The following DNAJC6 variants were observed in gnomAD, a reference collection of about 807,000 sequenced individuals.
DNAJC6 encodes the protein auxilin.
DNAJC6 carries 34 observed loss-of-function variants against 110.0 expected under a neutral mutation model. The ratio of observed to expected loss-of-function variants is 0.31; its 90% CI spans 0.24 to 0.41. The LOEUF (loss-of-function observed/expected upper bound fraction) is 0.41. Among genes scored for constraint, DNAJC6 ranks in the 10% least tolerant of loss-of-function variants. DNAJC6 has a pLI of 1.00. For missense variants in DNAJC6, 1,031 were observed against 1,207.8 expected, an observed-to-expected ratio of 0.85 and a Z score of 2.17; for synonymous variants, 406 against 437.2, an observed-to-expected ratio of 0.93 and a Z score of 0.89.
At chr1:65,365,346 A>G (rs564736974) in intron 2 of DNAJC6, among the ~76,000 whole-genome samples, 1 of 152,314 alleles carries the variant, frequency 6.6e-6, no homozygotes, top group South Asian at 2.1e-4. Flanking sequence ...TTAGTATTAG[A>G]AAATTCTAGG....
At chr1:65,333,719 C>T (rs1425708857) in intron 1 of DNAJC6, among the ~76,000 whole-genome samples, 1 of 152,078 alleles carries the variant, frequency 6.6e-6, no homozygotes, top group African/African-American at 2.4e-5. Flanking sequence ...GAAATAACTG[C>T]AAATTTTGTT....
chr1:65,389,567 C>T lies in DNAJC6; in HGVS notation c.1408C>T (p.Pro470Ser). The T allele has an allele frequency of 1.2e-6, 2 of 1,614,156 alleles. No homozygotes were observed. The highest frequency in any genetic ancestry group is 1.7e-6 in the Non-Finnish European group (2 of 1,180,020). The change falls in exon 11 of 19, where the codon CCT becomes TCT. Residue 470 changes from proline to serine, a missense_variant. By Grantham distance (74) the Pro-to-Ser change is moderately conservative (BLOSUM62 -1). Transcript: ENST00000371069. The part of the protein sequence containing the change: ...ALGGQAPIDI[P>S]PDNPRHYGQS... ...TGCAGGACAGGCTCCAATAGATATC[C>T]CTCCAGACAACCCCAGGCATTACGG...
intron 1 of DNAJC6, among the ~76,000 whole-genome samples, chr1:65,311,229 T>G (rs906972981): frequency 7.4e-4 from 102 of 137,234 alleles, no homozygotes; most frequent in Non-Finnish European, 1.3e-3. Context: ...TTTTTTTTTT[T>G]TTTTTTTTTT....
intron 1 of DNAJC6, among the ~76,000 whole-genome samples, chr1:65,271,346 A>G (rs1408910291): frequency 6.6e-6 from 1 of 152,152 alleles, no homozygotes; most frequent in Non-Finnish European, 1.5e-5. Flanking sequence ...GTGCAATAGG[A>G]CAGCAAAACT....
At chr1:65,320,805 A>G (rs1645191158) in intron 1 of DNAJC6, among the ~76,000 whole-genome samples, 1 of 152,174 alleles carries the variant, frequency 6.6e-6, no homozygotes, top group Non-Finnish European at 1.5e-5. Context: ...GGATGGTAGT[A>G]GGATGGGGAG....
chr1:65,284,181 A>T lies in DNAJC6; in HGVS notation c.-131+19249A>T, dbSNP rs74083005. 3.8e-3 allele frequency among the ~76,000 whole-genome samples: 581 copies of T among 152,186 alleles called. 1 individual carries two copies. The highest frequency in any genetic ancestry group is 0.013 in the African/African-American group (559 of 41,522). On this transcript the variant is annotated intron_variant, in intron 1 of 19. Coordinates refer to the DNAJC6 transcript ENST00000263441. The stretch of plus-strand genomic sequence containing the variant: ...GGCAGTCCTTTCCTTTACCTCAGTG[A>T]TGTCACCCTCCCACTTCTGACAGGC...
chr1:65,347,852 C>A (rs902439703), intron 1 of DNAJC6, among the ~76,000 whole-genome samples: 1 of 152,114 alleles, frequency 6.6e-6, no homozygotes, highest in Non-Finnish European at 1.5e-5. Flanking sequence ...TGACTCCCTC[C>A]CTTGAGCTCT....
chr1:65,382,622 A>G (rs1645832212), intron 5 of DNAJC6, among the ~76,000 whole-genome samples: 2 of 152,250 alleles, frequency 1.3e-5, no homozygotes, highest in Non-Finnish European at 1.5e-5. Flanking sequence ...TTAACATGTC[A>G]TCTGGAAAAA....
chr1:65,408,871 T>C (rs186007221), intron 17 of DNAJC6, 88 bp downstream of exon 17: 153 of 1,473,548 alleles, frequency 1.0e-4, no homozygotes, highest in Non-Finnish European at 1.2e-4. Flanking sequence ...GCCATGAGAG[T>C]AACCTATTGT....
intron 1 of DNAJC6, among the ~76,000 whole-genome samples, chr1:65,361,276 G>A (rs757148264): frequency 4.4e-4 from 67 of 152,172 alleles, no homozygotes; most frequent in Non-Finnish European, 7.8e-4. Context: ...GATGATTAAT[G>A]TTTGTCCATA....
chr1:65,387,054 T>A (rs1487209817), intron 8 of DNAJC6, 125 bp downstream of exon 8: 10 of 815,196 alleles, frequency 1.2e-5, no homozygotes, highest in Middle Eastern at 2.5e-4. Flanking sequence ...AAAGAGCGTT[T>A]AAAGATTGCT....
chr1:65,362,728 A>G (rs1645609923), intron 1 of DNAJC6, among the ~76,000 whole-genome samples: 1 of 152,172 alleles, frequency 6.6e-6, no homozygotes, highest in Admixed American at 6.6e-5. Context: ...AGAATGACTC[A>G]CGCTCTTGAC....
At position 65,405,324 on chromosome 1, in the gene DNAJC6, C is replaced by G. The variant is rs1037734637; in HGVS notation, c.2228-546C>G. On this transcript the variant is annotated intron_variant, in intron 15 of 18. Coordinates refer to ENST00000371069, the MANE Select transcript of DNAJC6 (RefSeq NM_001256864.2). ...AAGTTAAAACCTACTTGTGAAATTT[C>G]AAAACATCTTTATTTACTCTTGGGC... 1.1e-4 allele frequency among the ~76,000 whole-genome samples: 17 copies of G among 152,270 alleles called. No homozygotes were observed. In the South Asian group the frequency reaches 1.5e-3, roughly 13 times the overall value.
chr1:65,370,145 A>G (rs1006972815), intron 4 of DNAJC6, among the ~76,000 whole-genome samples: 2 of 152,184 alleles, frequency 1.3e-5, no homozygotes, highest in Non-Finnish European at 2.9e-5. Flanking sequence ...AACAAGATGC[A>G]TCAGTTAAAC....
At chr1:65,268,022 A>C (rs1653392701) in intron 1 of DNAJC6, among the ~76,000 whole-genome samples, 3 of 152,206 alleles carry the variant, frequency 2.0e-5, no homozygotes, top group Admixed American at 6.5e-5. Flanking sequence ...CTCTGTGTTG[A>C]AAAGGACCAC....
chr1:65,348,510 T>A (rs556440455), intron 1 of DNAJC6, among the ~76,000 whole-genome samples: 1 of 152,334 alleles, frequency 6.6e-6, no homozygotes, highest in Admixed American at 6.5e-5. Context: ...TGACCCTTTA[T>A]TATTATGAAA....
intron 1 of DNAJC6, among the ~76,000 whole-genome samples, chr1:65,362,781 C>T (rs528668653): frequency 7.1e-6 from 1 of 140,036 alleles, no homozygotes; most frequent in South Asian, 2.3e-4. Context: ...TCACATTAAC[C>T]ACCTCCTCTA....
chr1:65,378,353 A>G (rs540938856), intron 4 of DNAJC6, among the ~76,000 whole-genome samples: 3 of 152,232 alleles, frequency 2.0e-5, no homozygotes, highest in African/African-American at 7.2e-5. Context: ...TTTTTCAAAC[A>G]TGGCCAGTCC....
chr1:65,384,135 A>C, intron 5 of DNAJC6, 58 bp from the exon 6 acceptor site: 1 of 1,347,748 alleles, frequency 7.4e-7, no homozygotes, highest in Non-Finnish European at 9.6e-7. Flanking sequence ...TGCCATTTTC[A>C]ATGGAGAATG....
Sources: gnomAD v4.1 joint callset for allele counts (sites outside exome capture counted in the v4.1 genomes callset) on GRCh38, gnomAD v4.1.1 for gene constraint, MANE v1.5 for transcripts, NCBI Gene and HGNC (gene_info 2026-07-23, HGNC 2026-07-21) for gene names.